CACNB2: variants seen among roughly 807,000 people sequenced by gnomAD.
The protein encoded by CACNB2 is voltage-dependent L-type calcium channel subunit beta-2.
In CACNB2, 42 loss-of-function variants were observed where a neutral mutation model predicts 73.3. The ratio of observed to expected loss-of-function variants is 0.57; its 90% CI spans 0.45 to 0.74. The LOEUF (loss-of-function observed/expected upper bound fraction) is 0.74. Among genes scored for constraint, CACNB2 ranks in the 30% least tolerant of loss-of-function variants. The pLI, the probability that CACNB2 is intolerant of heterozygous loss-of-function variation, is 0.00. For missense variants in CACNB2, 940 were observed against 853.0 expected (o/e 1.10, Z -1.27); for synonymous variants, 348 against 310.3 (o/e 1.12, Z -1.28).
At chr10:18,401,452 G>A (rs1033521726) in intron 2 of CACNB2, among the ~76,000 whole-genome samples, 4 of 152,206 alleles carry the variant, frequency 2.6e-5, no homozygotes, top group Admixed American at 1.3e-4. Flanking sequence ...GGCTTTTTCA[G>A]ATTAAAGTGG....
intron 2 of CACNB2, among the ~76,000 whole-genome samples, chr10:18,350,390 C>T (rs974903800): frequency 1.3e-5 from 2 of 152,146 alleles, no homozygotes; most frequent in South Asian, 2.1e-4. Flanking sequence ...CACAGGTGTC[C>T]GTGGAAAAAG....
At chr10:18,216,647 C>G (rs1395981981) in intron 2 of CACNB2, among the ~76,000 whole-genome samples, 1 of 152,146 alleles carries the variant, frequency 6.6e-6, no homozygotes, top group Non-Finnish European at 1.5e-5. Flanking sequence ...AACATAAATG[C>G]AAAGCTTGTT....
At position 18,539,731 on chromosome 10, in the gene CACNB2, C is replaced by G. The variant is rs1468161228; in HGVS notation, c.*7C>G. Reference sequence around the variant, plus strand: ...TGTTTACATCCGCCAATGAGTTTTGCCCGTTTGTGTTTTTTTTTTTTTTTT... The same window carrying G: ...TGTTTACATCCGCCAATGAGTTTTGGCCGTTTGTGTTTTTTTTTTTTTTTT... On this transcript the variant is annotated 3_prime_UTR_variant, in exon 14 of 14. Transcript: ENST00000324631. The G allele has an allele frequency of 1.3e-6, 2 of 1,569,964 alleles. No homozygotes were observed. The highest frequency in any genetic ancestry group is 3.9e-5 in the Admixed American group (2 of 51,280).
At chr10:18,159,169 C>A (rs2032272161) in intron 2 of CACNB2, among the ~76,000 whole-genome samples, 1 of 152,014 alleles carries the variant, frequency 6.6e-6, no homozygotes, top group Non-Finnish European at 1.5e-5. Context: ...AGGATGACTG[C>A]CAGCTTTGCT....
At chr10:18,311,342 A>G (rs915248965) in intron 2 of CACNB2, among the ~76,000 whole-genome samples, 7 of 152,146 alleles carry the variant, frequency 4.6e-5, no homozygotes, top group African/African-American at 1.4e-4. Flanking sequence ...TCATCTCTAA[A>G]TGAGAGGGCA....
At chr10:18,385,404 G>A (rs2043187764) in intron 2 of CACNB2, among the ~76,000 whole-genome samples, 1 of 118,092 alleles carries the variant, frequency 8.5e-6, no homozygotes. Flanking sequence ...AAAATGTGCA[G>A]CCACTTAAAT....
chr10:18,247,053 G>A (rs942759686), intron 2 of CACNB2, among the ~76,000 whole-genome samples: 2 of 152,122 alleles, frequency 1.3e-5, no homozygotes, highest in Admixed American at 6.6e-5. Context: ...ATCTGCTGGG[G>A]CCTTCAGAGC....
chr10:18,194,262 T>C (rs1564333672), intron 2 of CACNB2, among the ~76,000 whole-genome samples: 1 of 152,178 alleles, frequency 6.6e-6, no homozygotes, highest in Non-Finnish European at 1.5e-5. Context: ...CAGTTGCAAC[T>C]GGTTAATGAA....
chr10:18,514,373 A>C lies in CACNB2; in HGVS notation c.804+4A>C, dbSNP rs555963123. 4.3e-6 allele frequency: 7 copies of C among 1,614,162 alleles called. No homozygotes were observed. In the South Asian group the frequency reaches 7.7e-5, roughly 18 times the overall value. ...AAGAATGCCCTTCTTTAAGAAGGTA[A>C]CATTAACTTCCAAGCTCCCATTGTC... On this transcript the variant is annotated splice_donor_region_variant and intron_variant, in intron 7 of 13. Transcript: ENST00000324631.
chr10:18,417,878 C>T (rs747387956), intron 3 of CACNB2, among the ~76,000 whole-genome samples: 4 of 151,256 alleles, frequency 2.6e-5, no homozygotes, highest in Non-Finnish European at 5.9e-5. Context: ...TAAAATGAAA[C>T]GATTTAAAAA....
chr10:18,495,849 A>G (rs1589543338), intron 3 of CACNB2, among the ~76,000 whole-genome samples: 1 of 152,116 alleles, frequency 6.6e-6, no homozygotes, highest in African/African-American at 2.4e-5. Flanking sequence ...TAGAAACATC[A>G]TACTCTCAAG....
intron 2 of CACNB2, among the ~76,000 whole-genome samples, chr10:18,292,445 C>G (rs768007253): frequency 6.6e-6 from 1 of 152,144 alleles, no homozygotes; most frequent in Non-Finnish European, 1.5e-5. Flanking sequence ...ATCACGAGGT[C>G]AAGAGTTCGA....
intron 2 of CACNB2, among the ~76,000 whole-genome samples, chr10:18,283,642 G>A (rs2038655438): frequency 6.8e-6 from 1 of 147,788 alleles, no homozygotes. Flanking sequence ...GACACGGGGT[G>A]GGAACGTCAC....
At chr10:18,212,055 G>A (rs779447821) in intron 2 of CACNB2, among the ~76,000 whole-genome samples, 1 of 152,148 alleles carries the variant, frequency 6.6e-6, no homozygotes, top group African/African-American at 2.4e-5. Context: ...CAGGCCTCAG[G>A]TGTTTGTACA....
intron 2 of CACNB2, among the ~76,000 whole-genome samples, chr10:18,305,366 A>G (rs573085586): frequency 6.6e-6 from 1 of 152,346 alleles, no homozygotes. Flanking sequence ...TTTTGAAATA[A>G]GATTGGAGAA....
At chr10:18,389,605 C>T (rs1356902998) in intron 2 of CACNB2, among the ~76,000 whole-genome samples, 1 of 152,182 alleles carries the variant, frequency 6.6e-6, no homozygotes, top group African/African-American at 2.4e-5. Context: ...GTCTACTAAG[C>T]ATGTGAACCA....
intron 2 of CACNB2, among the ~76,000 whole-genome samples, chr10:18,163,063 G>GC (rs1176648432): frequency 1.3e-5 from 2 of 152,106 alleles, no homozygotes; most frequent in East Asian, 3.9e-4. Flanking sequence ...GAAGCAGTGT[G>GC]CCGGAGGGGA....
At chr10:18,469,442 ATGT>A (rs1351808907) in intron 3 of CACNB2, among the ~76,000 whole-genome samples, 1 of 152,144 alleles carries the variant, frequency 6.6e-6, no homozygotes, top group East Asian at 1.9e-4. Flanking sequence ...TGTATTTAAT[ATGT>A]TGTTGGCAAG....
intron 2 of CACNB2, among the ~76,000 whole-genome samples, chr10:18,306,954 G>A (rs1188352464): frequency 6.6e-6 from 1 of 152,136 alleles, no homozygotes; most frequent in Non-Finnish European, 1.5e-5. Context: ...AATAATATGG[G>A]TTAAAGGCAA....
Sources: allele counts gnomAD v4.1 joint callset (sites outside exome capture counted in the v4.1 genomes callset), GRCh38; gene constraint gnomAD v4.1.1; transcripts MANE v1.5; gene names NCBI Gene and HGNC (gene_info 2026-07-23, HGNC 2026-07-21).